CSMD1: variants seen among roughly 807,000 people sequenced by gnomAD.
The protein encoded by CSMD1 is CUB and sushi domain-containing protein 1.
CSMD1 carries 213 observed loss-of-function variants against 417.5 expected under a neutral mutation model. The observed-to-expected ratio is 0.51, with a 90% CI of 0.46 to 0.57. CSMD1 has a LOEUF of 0.57. Ranked by LOEUF, CSMD1 falls within the 20% of genes least tolerant of loss-of-function variation. The pLI is 0.00. For synonymous variants in CSMD1, 2,862 were observed against 1,736.8 expected, an observed-to-expected ratio of 1.65 and a Z score of -16.11; for missense variants, 6,923 against 4,529.7, an observed-to-expected ratio of 1.53 and a Z score of -15.17.
chr8:3,301,663 A>T (rs1214020627), intron 25 of CSMD1, among the ~76,000 whole-genome samples: 1 of 152,158 alleles, frequency 6.6e-6, no homozygotes, highest in Non-Finnish European at 1.5e-5. Flanking sequence ...TTTGTCCTGA[A>T]GTCGAAAGTA....
chr8:3,564,617 G>C (rs1362831476), intron 10 of CSMD1, among the ~76,000 whole-genome samples: 1 of 146,210 alleles, frequency 6.8e-6, no homozygotes, highest in Non-Finnish European at 1.5e-5. Context: ...TCAGCTCCAA[G>C]AGGAGGCAGT....
At chr8:3,443,792 G>A (rs142466515) in intron 12 of CSMD1, among the ~76,000 whole-genome samples, 157 of 152,298 alleles carry the variant, frequency 1.0e-3, no homozygotes, top group African/African-American at 3.2e-3. Context: ...GAGACATGAA[G>A]TGTAAACATG....
In CSMD1 at chr8:2,995,298, T is replaced by C. The variant is rs145948002; in HGVS notation, c.8377+2713A>G. Among the ~76,000 whole-genome samples the C allele has an allele frequency of 3.3e-5, 5 of 152,322 alleles. No individual in the cohort carries two copies. The East Asian group carries it at 7.7e-4, about 24-fold the overall frequency. On this transcript the variant is annotated intron_variant, in intron 54 of 69. Transcript: ENST00000635120. ...TGGGAATAATCACCAGATAAGGTAC[T>C]CACGTCGTTAGCCATCAGGAAATTG...
intron 2 of CSMD1, among the ~76,000 whole-genome samples, chr8:4,441,475 G>C (rs1052162727): frequency 1.3e-5 from 2 of 151,834 alleles, no homozygotes; most frequent in African/African-American, 4.8e-5. Context: ...TTTATTAGGA[G>C]TTAGACATAA....
At chr8:3,882,218 A>G (rs1209083770) in intron 5 of CSMD1, among the ~76,000 whole-genome samples, 2 of 152,172 alleles carry the variant, frequency 1.3e-5, no homozygotes, top group African/African-American at 4.8e-5. Flanking sequence ...CAACCCATAA[A>G]GTGGAAAAAA....
intron 10 of CSMD1, among the ~76,000 whole-genome samples, chr8:3,560,131 T>A (rs1180259156): frequency 2.0e-5 from 3 of 152,176 alleles, no homozygotes. Flanking sequence ...AGTGCTGGGT[T>A]CAGCAAAGTT....
intron 3 of CSMD1, among the ~76,000 whole-genome samples, chr8:4,276,539 T>A (rs1176647449): frequency 6.6e-6 from 1 of 152,168 alleles, no homozygotes; most frequent in Non-Finnish European, 1.5e-5. Context: ...CATGTTTAAC[T>A]ACGTAACAAA....
rs539017676 is a variant in CSMD1, at chr8:3,635,340, G to A, written c.1010-18543C>T. Reference sequence around the variant, plus strand: ...AATACAAAAATTAGCCAGGCAAAGTGGTGCACACCTGTAATCCCAGCTACT... The same window carrying A: ...AATACAAAAATTAGCCAGGCAAAGTAGTGCACACCTGTAATCCCAGCTACT... On this transcript the variant is annotated intron_variant, in intron 7 of 69. Coordinates refer to ENST00000635120, the MANE Select transcript of CSMD1 (RefSeq NM_033225.6). Among the ~76,000 whole-genome samples, 6 of 152,150 alleles carry A rather than the reference G, an allele frequency of 3.9e-5. No individual in the cohort carries two copies. The South Asian group carries it at 1.2e-3, about 32-fold the overall frequency.
At chr8:3,382,652 G>T (rs1043621977) in intron 18 of CSMD1, among the ~76,000 whole-genome samples, 1 of 147,354 alleles carries the variant, frequency 6.8e-6, no homozygotes, top group East Asian at 2.0e-4. Context: ...TATAGAGATA[G>T]ATATAAAATG....
At chr8:3,696,917 A>G (rs1478067934) in intron 7 of CSMD1, among the ~76,000 whole-genome samples, 7 of 152,190 alleles carry the variant, frequency 4.6e-5, no homozygotes, top group Admixed American at 3.9e-4. Context: ...AGAACACTTT[A>G]TCAGTCACTT....
intron 6 of CSMD1, among the ~76,000 whole-genome samples, chr8:3,737,187 CACAA>C (rs1796564459): frequency 6.6e-6 from 1 of 152,006 alleles, no homozygotes; most frequent in African/African-American, 2.4e-5. Context: ...CTACCCTAAT[CACAA>C]ACAATGACTA....
intron 25 of CSMD1, among the ~76,000 whole-genome samples, chr8:3,292,257 A>C (rs966756226): frequency 1.1e-4 from 16 of 152,250 alleles, no homozygotes; most frequent in African/African-American, 3.9e-4. Flanking sequence ...CTATGTGGTC[A>C]GTTTTGGAGT....
At chr8:4,693,998 C>T (rs993788560) in intron 1 of CSMD1, among the ~76,000 whole-genome samples, 1 of 152,196 alleles carries the variant, frequency 6.6e-6, no homozygotes, top group African/African-American at 2.4e-5. Flanking sequence ...AAGTCAATCT[C>T]GGGACCCCCA....
chr8:4,344,681 T>G (rs1212123364), intron 3 of CSMD1, among the ~76,000 whole-genome samples: 2 of 151,934 alleles, frequency 1.3e-5, no homozygotes, highest in African/African-American at 4.8e-5. Context: ...CACAAAGATA[T>G]TAAAAATGTT....
intron 3 of CSMD1, among the ~76,000 whole-genome samples, chr8:4,395,145 C>G (rs1804113714): frequency 6.6e-6 from 1 of 152,194 alleles, no homozygotes; most frequent in Non-Finnish European, 1.5e-5. Context: ...TTTGTCCCTG[C>G]TGTCCTCTGA....
chr8:3,823,342 C>G (rs564358246), intron 5 of CSMD1, among the ~76,000 whole-genome samples: 4 of 152,118 alleles, frequency 2.6e-5, no homozygotes, highest in African/African-American at 9.7e-5. Flanking sequence ...GGACCCAGTA[C>G]TCTCATTTTT....
chr8:3,110,400 A>G, intron 42 of CSMD1, 65 bp from the exon 43 acceptor site: 1 of 1,357,084 alleles, frequency 7.4e-7, no homozygotes, highest in Non-Finnish European at 9.8e-7. Context: ...AAAGCTAAAT[A>G]TTTGACTCCA....
At chr8:4,290,516 T>C (rs183186391) in intron 3 of CSMD1, among the ~76,000 whole-genome samples, 8 of 152,296 alleles carry the variant, frequency 5.3e-5, no homozygotes, top group African/African-American at 1.9e-4. Context: ...GGACAGATGA[T>C]GTTTCTCTGA....
intron 12 of CSMD1, among the ~76,000 whole-genome samples, chr8:3,463,178 C>A (rs151162756): frequency 2.6e-4 from 40 of 152,308 alleles, no homozygotes; most frequent in Middle Eastern, 3.4e-3. Flanking sequence ...GTGCACCTGT[C>A]GTGACTGGGC....
Sources: gnomAD v4.1 joint callset for allele counts (sites outside exome capture counted in the v4.1 genomes callset) on GRCh38, gnomAD v4.1.1 for gene constraint, MANE v1.5 for transcripts, NCBI Gene and HGNC (gene_info 2026-07-23, HGNC 2026-07-21) for gene names.